The following FBXO11 variants were observed in gnomAD, a reference collection of about 807,000 sequenced individuals.
The protein encoded by FBXO11 is F-box protein 11, also known as F-box only protein 11.
In FBXO11, 13 loss-of-function variants were observed where a neutral mutation model predicts 117.0. That is an observed-to-expected ratio of 0.11 (90% confidence interval 0.07 to 0.18). The LOEUF is 0.18. Ranked by LOEUF, FBXO11 falls within the 10% of genes least tolerant of loss-of-function variation. The probability of loss-of-function intolerance (pLI) is 1.00; values close to 1 mark genes in which losing one functional copy is unlikely to be tolerated. For synonymous variants in FBXO11, 490 were observed against 380.5 expected, an observed-to-expected ratio of 1.29 and a Z score of -3.35; for missense variants, 767 against 1,164.4, an observed-to-expected ratio of 0.66 and a Z score of 4.97.
chr2:47,864,876 C>T (rs1015248512), intron 1 of FBXO11, among the ~76,000 whole-genome samples: 1 of 152,044 alleles, frequency 6.6e-6, no homozygotes. Context: ...TTATGTGAGA[C>T]AAGAACACTC....
At chr2:47,873,818 AT>A (rs1487602868) in intron 1 of FBXO11, among the ~76,000 whole-genome samples, 1 of 152,196 alleles carries the variant, frequency 6.6e-6, no homozygotes, top group African/African-American at 2.4e-5. Context: ...AAACAAAGAT[AT>A]GTATGTGTTC....
chr2:47,842,603 A>G (rs1231206375), intron 1 of FBXO11, among the ~76,000 whole-genome samples: 2 of 151,930 alleles, frequency 1.3e-5, no homozygotes, highest in Non-Finnish European at 2.9e-5. Context: ...TCTATTAAAG[A>G]TAAGAGTATG....
intron 1 of FBXO11, among the ~76,000 whole-genome samples, chr2:47,872,753 A>T (rs1675717235): frequency 6.6e-6 from 1 of 152,242 alleles, no homozygotes; most frequent in Non-Finnish European, 1.5e-5. Flanking sequence ...GCAGAAGCAG[A>T]TATTAAAATG....
At chr2:47,905,305 T>C (rs1017128594) in intron 1 of FBXO11, 184 bp downstream of exon 1, 1 of 493,570 alleles carries the variant, frequency 2.0e-6, no homozygotes, top group African/African-American at 2.0e-5. Flanking sequence ...GCCGCGGCTT[T>C]TCCTGCCGGC....
intron 12 of FBXO11, 50 bp downstream of exon 12, chr2:47,823,093 C>G (rs1671507356): frequency 7.3e-7 from 1 of 1,363,604 alleles, no homozygotes; most frequent in Middle Eastern, 2.2e-4. Flanking sequence ...GACTTTTAAG[C>G]AAACCTTGAA....
At chr2:47,902,351 G>C (rs1319530871) in intron 1 of FBXO11, among the ~76,000 whole-genome samples, 2 of 152,210 alleles carry the variant, frequency 1.3e-5, no homozygotes, top group Non-Finnish European at 2.9e-5. Flanking sequence ...CAGCTAACGA[G>C]TGAACACAAT....
chr2:47,883,135 T>C (rs1180656624), intron 1 of FBXO11, among the ~76,000 whole-genome samples: 2 of 152,358 alleles, frequency 1.3e-5, no homozygotes, highest in African/African-American at 4.8e-5. Flanking sequence ...TTTTCATCTG[T>C]TCTGTAGCAA....
At chr2:47,863,183 A>G (rs1332946055) in intron 1 of FBXO11, among the ~76,000 whole-genome samples, 1 of 152,134 alleles carries the variant, frequency 6.6e-6, no homozygotes, top group East Asian at 1.9e-4. Flanking sequence ...TAAAACCAAA[A>G]CATTGTTGTT....
intron 1 of FBXO11, among the ~76,000 whole-genome samples, chr2:47,898,825 T>C (rs945746892): frequency 2.0e-5 from 3 of 152,132 alleles, no homozygotes; most frequent in East Asian, 1.9e-4. Context: ...TTCTGCCAAA[T>C]GTATTTTGGT....
At chr2:47,861,536 G>A (rs1277113436) in intron 1 of FBXO11, among the ~76,000 whole-genome samples, 2 of 152,016 alleles carry the variant, frequency 1.3e-5, no homozygotes, top group South Asian at 4.2e-4. Flanking sequence ...TGCCCTGACT[G>A]GTCTTGAATT....
At position 47,880,555 on chromosome 2, in the gene FBXO11, G is replaced by A. The variant is rs930917446; in HGVS notation, c.232+24934C>T. ...AAAACATTGTGTTGTTTCATTTGTT[G>A]AAGCTTGTTTGGCGTCTTTCACATA... On this transcript the variant is annotated intron_variant, in intron 1 of 22. Transcript: ENST00000403359. 5.9e-5 allele frequency among the ~76,000 whole-genome samples: 9 copies of A among 152,028 alleles called. 1 individual carries two copies. The highest frequency in any genetic ancestry group is 4.6e-4 in the Admixed American group (7 of 15,264).
Position 47,905,580 on chromosome 2 carries a change from C to G in FBXO11, c.141G>C (p.Pro47=), listed in dbSNP as rs1257610094. ...GCTGCTGCTGCTGCTGCTGCGGCGG[C>G]GGCGGAGGCTGCTGCTGGGGCGGCT... ...QQQPPQQQPP[P]PPQQQQQQQP... Residue 47 remains proline, a synonymous_variant, in exon 1 of 23, where the codon CCG becomes CCC. Transcript: ENST00000403359. The G allele has an allele frequency of 3.8e-5, 48 of 1,258,536 alleles. No homozygotes were observed. Among genetic ancestry groups the G allele is most frequent in the Non-Finnish European group, 4.8e-5 (48 of 1,006,166 alleles). The allele number at this position is 1,258,536 out of a possible 1,614,324, so 78.0% of individuals were successfully genotyped here.
intron 1 of FBXO11, among the ~76,000 whole-genome samples, chr2:47,901,707 G>C (rs1276551332): frequency 1.3e-5 from 2 of 152,050 alleles, no homozygotes; most frequent in African/African-American, 2.4e-5. Flanking sequence ...AAAATCTACT[G>C]ATGAGAACAC....
chr2:47,864,321 C>T (rs1020110652), intron 1 of FBXO11, among the ~76,000 whole-genome samples: 7 of 152,224 alleles, frequency 4.6e-5, no homozygotes, highest in African/African-American at 1.7e-4. Flanking sequence ...GGCGTGGTGG[C>T]TCACGCCTGT....
At chr2:47,877,865 A>G (rs1039694982) in intron 1 of FBXO11, among the ~76,000 whole-genome samples, 4 of 152,044 alleles carry the variant, frequency 2.6e-5, no homozygotes, top group African/African-American at 7.2e-5. Context: ...TTGTATTTTT[A>G]GTAGAGATGG....
chr2:47,809,503 T>G lies in FBXO11; in HGVS notation c.2446+97A>C, dbSNP rs984018547. On this transcript the variant is annotated intron_variant, in intron 20 of 22. Transcript: ENST00000403359. ...AAATCTATCTTAAACTGTTGCTAAC[T>G]TGGAGAGTGACATAAGGAATCAAGT... 11 of 896,554 alleles carry G rather than the reference T, an allele frequency of 1.2e-5. No homozygotes were observed. The South Asian group carries it at 1.8e-4, about 14-fold the overall frequency. The allele number at this position is 896,554 out of a possible 1,614,324, so 55.5% of individuals were successfully genotyped here. A position where few individuals can be genotyped will look rare whatever the true frequency, so the allele number is the denominator to read the frequency against.
intron 18 of FBXO11, 66 bp from the exon 19 acceptor site, chr2:47,810,492 T>G (rs980914817): frequency 1.3e-5 from 13 of 983,690 alleles, no homozygotes; most frequent in Non-Finnish European, 1.9e-5. Context: ...TTTTTGGTGG[T>G]ATTTAGGTTT....
At chr2:47,855,549 T>C (rs151267753) in intron 1 of FBXO11, among the ~76,000 whole-genome samples, 2 of 152,264 alleles carry the variant, frequency 1.3e-5, no homozygotes, top group African/African-American at 4.8e-5. Context: ...AATAAAGGAA[T>C]GTGGCCAGGT....
intron 1 of FBXO11, among the ~76,000 whole-genome samples, chr2:47,863,746 G>C (rs1368063041): frequency 1.6e-4 from 24 of 152,176 alleles, no homozygotes; most frequent in Non-Finnish European, 1.5e-5. Context: ...TTTGAGACCA[G>C]CCTGGCTAAC....
Sources: allele counts gnomAD v4.1 joint callset (sites outside exome capture counted in the v4.1 genomes callset), GRCh38; gene constraint gnomAD v4.1.1; transcripts MANE v1.5; gene names NCBI Gene and HGNC (gene_info 2026-07-23, HGNC 2026-07-21).